Variants in SEMA6D observed in about 807,000 individuals in gnomAD.
The protein encoded by SEMA6D is semaphorin 6D, also known as semaphorin-6D.
SEMA6D carries 35 observed loss-of-function variants against 106.6 expected under a neutral mutation model. That is an observed-to-expected ratio of 0.33 (90% confidence interval 0.25 to 0.44). The LOEUF (loss-of-function observed/expected upper bound fraction) is 0.44, where lower values mean the gene tolerates loss of function less well. SEMA6D is among the 20% of genes least tolerant of loss of function. The pLI is 1.00. For synonymous variants in SEMA6D, 499 were observed against 487.7 expected (o/e 1.02, Z -0.31); for missense variants, 1,185 against 1,345.9 (o/e 0.88, Z 1.87).
chr15:47,635,587 G>A (rs947754029), intron 4 of SEMA6D, among the ~76,000 whole-genome samples: 3 of 152,152 alleles, frequency 2.0e-5, no homozygotes, highest in Non-Finnish European at 4.4e-5. Context: ...CTGGACTTGC[G>A]ACTGGCATCG....
intron 4 of SEMA6D, among the ~76,000 whole-genome samples, chr15:47,638,204 A>G (rs1026690825): frequency 6.6e-6 from 1 of 152,084 alleles, no homozygotes. Flanking sequence ...AAATGGCCGT[A>G]TGATGTGTGA....
chr15:47,260,743 G>GATGGA (rs987338929), intron 1 of SEMA6D, among the ~76,000 whole-genome samples: 3 of 152,084 alleles, frequency 2.0e-5, no homozygotes, highest in Non-Finnish European at 4.4e-5. Context: ...GGAGGGGAGG[G>GATGGA]ATGGAATGGG....
At chr15:47,294,806 G>T (rs2035741006) in intron 1 of SEMA6D, among the ~76,000 whole-genome samples, 1 of 152,134 alleles carries the variant, frequency 6.6e-6, no homozygotes, top group Non-Finnish European at 1.5e-5. Context: ...TGTATACGTT[G>T]TTTAAATGTT....
chr15:47,236,220 G>T (rs2032529152), intron 1 of SEMA6D, among the ~76,000 whole-genome samples: 1 of 151,994 alleles, frequency 6.6e-6, no homozygotes, highest in Admixed American at 6.6e-5. Context: ...CTTTTAATCT[G>T]CCATTTTCTG....
At chr15:47,285,642 C>G (rs17285680) in intron 1 of SEMA6D, among the ~76,000 whole-genome samples, 2,749 of 152,290 alleles carry the variant, frequency 0.018, 52 homozygotes, top group African/African-American at 0.023. Flanking sequence ...TGAACGAAGA[C>G]ATTCCTGAAG....
chr15:47,708,528 T>C (rs910955867), intron 4 of SEMA6D, among the ~76,000 whole-genome samples: 11 of 152,238 alleles, frequency 7.2e-5, no homozygotes, highest in Non-Finnish European at 1.5e-4. Flanking sequence ...GGATTTAGTA[T>C]TTACAGTATT....
rs2041547520 is a variant in SEMA6D at position 47,432,058 on chromosome 15, T to C, written c.-159+19586T>C. The stretch of plus-strand genomic sequence containing the variant: ...GGTGATGTTCCAGGGCATCAAGCAA[T>C]GTGTGAGGCACTGAGATCTAAAAAG... On this transcript the variant is annotated intron_variant, in intron 2 of 19. Transcript: ENST00000558014. 2.0e-5 allele frequency among the ~76,000 whole-genome samples: 3 copies of C among 152,006 alleles called. 1 individual carries two copies. In the South Asian group the frequency reaches 6.2e-4, roughly 32 times the overall value.
chr15:47,308,033 AT>A (rs34204516), intron 1 of SEMA6D, among the ~76,000 whole-genome samples: 145 of 145,556 alleles, frequency 1.0e-3, no homozygotes, highest in East Asian at 1.4e-3. Context: ...TGGCCTGGCT[AT>A]TTTTTTTTTT....
chr15:47,543,892 G>A (rs1304817447), intron 3 of SEMA6D, among the ~76,000 whole-genome samples: 1 of 152,040 alleles, frequency 6.6e-6, no homozygotes, highest in Non-Finnish European at 1.5e-5. Flanking sequence ...TTATAAAGAT[G>A]GATAGAAGAG....
Position 47,373,868 on chromosome 15 carries a change from CT to C in SEMA6D, c.-238-38521del, listed in dbSNP as rs529561673. Among the ~76,000 whole-genome samples, 9 of 152,250 alleles carry C rather than the reference CT, an allele frequency of 5.9e-5. 1 individual carries two copies. The South Asian group carries it at 6.2e-4, about 11-fold the overall frequency. On this transcript the variant is annotated intron_variant, in intron 1 of 19. Transcript: ENST00000558014. ...AAACAATCTAAATGGAAAAGCTAAC[CT>C]TTTCGTTGGATAAAGGCAAGTAATT...
At chr15:47,676,933 G>T (rs1387368218) in intron 4 of SEMA6D, among the ~76,000 whole-genome samples, 2 of 152,046 alleles carry the variant, frequency 1.3e-5, no homozygotes, top group Non-Finnish European at 2.9e-5. Flanking sequence ...TTTCATGTGG[G>T]GTGGGTGGGT....
chr15:47,397,424 G>C (rs2040249848), intron 1 of SEMA6D: 1 of 151,882 alleles, frequency 6.6e-6, no homozygotes, highest in African/African-American at 2.4e-5. Context: ...TTTTTTTGCA[G>C]TCCTATCAAT....
intron 1 of SEMA6D, among the ~76,000 whole-genome samples, chr15:47,398,179 C>T (rs2145934219): frequency 6.6e-6 from 1 of 152,318 alleles, no homozygotes; most frequent in South Asian, 2.1e-4. Context: ...TTAGCCAGAA[C>T]TCAGGAAGTG....
At chr15:47,201,271 A>G (rs1281695747) in intron 1 of SEMA6D, among the ~76,000 whole-genome samples, 1 of 152,230 alleles carries the variant, frequency 6.6e-6, no homozygotes, top group African/African-American at 2.4e-5. Context: ...TTACGGATGA[A>G]TGGCATACAT....
rs566173023 is a variant in SEMA6D, at chr15:47,479,946, G to A, written c.-87+9401G>A. 4.3e-5 allele frequency among the ~76,000 whole-genome samples: 6 copies of A among 140,106 alleles called. No individual in the cohort carries two copies. In the East Asian group the frequency reaches 1.1e-3, roughly 25 times the overall value. 91.9% of individuals were successfully genotyped at this position (140,106 alleles called of 152,430 possible). A position where few individuals can be genotyped will look rare whatever the true frequency, so the allele number is the denominator to read the frequency against. On this transcript the variant is annotated intron_variant, in intron 3 of 19. Coordinates refer to the SEMA6D transcript ENST00000558014. ...TGCAGTGACGTAATCATAGTTCACC[G>A]CAGCCTTGACCTGGACTCGAGCAAT... is the stretch of plus-strand genomic sequence containing the variant.
At chr15:47,313,294 C>T (rs1240847327) in intron 1 of SEMA6D, among the ~76,000 whole-genome samples, 1 of 152,136 alleles carries the variant, frequency 6.6e-6, no homozygotes, top group Non-Finnish European at 1.5e-5. Flanking sequence ...CCACCTTTAC[C>T]TGATGGTGAC....
chr15:47,682,993 A>T (rs2078390261), intron 4 of SEMA6D, among the ~76,000 whole-genome samples: 1 of 152,216 alleles, frequency 6.6e-6, no homozygotes, highest in African/African-American at 2.4e-5. Context: ...TTCAGGTTTA[A>T]TTCTCATGGC....
chr15:47,603,549 C>A (rs1017580064), intron 4 of SEMA6D: 1 of 152,214 alleles, frequency 6.6e-6, no homozygotes, highest in South Asian at 2.1e-4. Context: ...AGTCCAAGTT[C>A]CTCATCTGTA....
At chr15:47,516,633 G>A (rs2044397860) in intron 3 of SEMA6D, among the ~76,000 whole-genome samples, 1 of 152,146 alleles carries the variant, frequency 6.6e-6, no homozygotes, top group African/African-American at 2.4e-5. Context: ...AGCCCCTTCA[G>A]TGTCCTTGAT....
Sources: allele counts gnomAD v4.1 joint callset (sites outside exome capture counted in the v4.1 genomes callset), GRCh38; gene constraint gnomAD v4.1.1; transcripts MANE v1.5; gene names NCBI Gene and HGNC (gene_info 2026-07-23, HGNC 2026-07-21).